NEK11: variants seen among roughly 807,000 people sequenced by gnomAD.
NEK11 encodes the protein serine/threonine-protein kinase Nek11.
NEK11 carries 72 observed loss-of-function variants against 80.7 expected under a neutral mutation model. That is an observed-to-expected ratio of 0.89 (90% CI 0.74 to 1.08). NEK11 has a LOEUF of 1.08. Among genes scored for constraint, NEK11 ranks in the 50% least tolerant of loss-of-function variants. The pLI is 0.00. For missense variants in NEK11, 764 were observed against 763.6 expected (o/e 1.00, Z -0.01); for synonymous variants, 251 against 260.7 (o/e 0.96, Z 0.36).
intron 17 of NEK11, among the ~76,000 whole-genome samples, chr3:131,294,442 G>C (rs1031090538): frequency 6.6e-6 from 1 of 150,750 alleles, no homozygotes; most frequent in Non-Finnish European, 1.5e-5. Context: ...TATGATTTCT[G>C]TTTTTAAAAA....
intron 4 of NEK11, 64 bp from the exon 5 acceptor site, chr3:131,109,739 T>C: frequency 6.7e-7 from 1 of 1,498,004 alleles, no homozygotes; most frequent in Non-Finnish European, 8.9e-7. Context: ...TTAACTGTTG[T>C]TAAGTGAACT....
At chr3:131,297,480 A>G (rs1406473332) in intron 17 of NEK11, among the ~76,000 whole-genome samples, 2 of 151,988 alleles carry the variant, frequency 1.3e-5, no homozygotes, top group Non-Finnish European at 2.9e-5. Context: ...GTGTCTGTTC[A>G]TGTCCTTCAC....
intron 4 of NEK11, among the ~76,000 whole-genome samples, chr3:131,102,980 A>G (rs1020378864): frequency 1.3e-5 from 2 of 152,172 alleles, no homozygotes; most frequent in Non-Finnish European, 2.9e-5. Context: ...TGATTATATT[A>G]TGAAATTCTT....
At chr3:131,296,133 A>G (rs6788815) in intron 17 of NEK11, among the ~76,000 whole-genome samples, 19,558 of 152,074 alleles carry the variant, frequency 0.13, 1,862 homozygotes, top group East Asian at 0.3. Context: ...GAGCCACCAC[A>G]CCTGGCCCAA....
intron 15 of NEK11, among the ~76,000 whole-genome samples, chr3:131,228,940 G>C (rs1298485805): frequency 6.6e-6 from 1 of 152,086 alleles, no homozygotes; most frequent in Non-Finnish European, 1.5e-5. Context: ...GGGGGGTTGG[G>C]AGATGGCACA....
intron 17 of NEK11, among the ~76,000 whole-genome samples, chr3:131,344,071 T>C (rs1388306636): frequency 7.9e-5 from 12 of 152,256 alleles, no homozygotes; most frequent in Admixed American, 6.5e-4. Context: ...TTTTCCAAAC[T>C]TTTATGCTAT....
At position 131,101,034 on chromosome 3, in the gene NEK11, C is replaced by T. The variant is rs533409708; in HGVS notation, c.337-8769C>T. 1.4e-4 allele frequency among the ~76,000 whole-genome samples: 21 copies of T among 152,054 alleles called. No individual in the cohort carries two copies. In the East Asian group the frequency reaches 3.9e-3, roughly 28 times the overall value. ...TTCTATTTTGTGTGTGTAAGTTGGT[C>T]GTAGTATTCTCTGAGGATCTTTTGT... On this transcript the variant is annotated intron_variant, in intron 4 of 17. Transcript: ENST00000383366.
At chr3:131,325,775 G>A (rs533736855) in intron 17 of NEK11, 2 of 152,316 alleles carry the variant, frequency 1.3e-5, no homozygotes, top group African/African-American at 4.8e-5. Flanking sequence ...ACACACTGGT[G>A]AAAGAACCAC....
chr3:131,156,547 A>G (rs1016220301), intron 10 of NEK11, among the ~76,000 whole-genome samples: 1 of 152,126 alleles, frequency 6.6e-6, no homozygotes, highest in Non-Finnish European at 1.5e-5. Flanking sequence ...CCCTTCCCTC[A>G]TGCTAAATTT....
intron 4 of NEK11, among the ~76,000 whole-genome samples, chr3:131,082,021 T>A (rs753877941): frequency 3.3e-5 from 5 of 152,210 alleles, no homozygotes; most frequent in Non-Finnish European, 7.3e-5. Flanking sequence ...GCCTCAGCCT[T>A]GCTGGGTATT....
chr3:131,269,537 G>T (rs1487052647), intron 16 of NEK11, among the ~76,000 whole-genome samples: 2 of 152,148 alleles, frequency 1.3e-5, no homozygotes, highest in East Asian at 1.9e-4. Context: ...CCCTGCTTCA[G>T]CTCACCCTCT....
chr3:131,135,658 A>C (rs1399396561), intron 7 of NEK11, among the ~76,000 whole-genome samples: 1 of 152,110 alleles, frequency 6.6e-6, no homozygotes, highest in Admixed American at 6.5e-5. Context: ...ATATCTCTTT[A>C]CATTTAATTT....
At chr3:131,114,436 A>G (rs1195988249) in intron 5 of NEK11, among the ~76,000 whole-genome samples, 5 of 152,236 alleles carry the variant, frequency 3.3e-5, no homozygotes, top group African/African-American at 9.6e-5. Flanking sequence ...CTCATGTTGC[A>G]TATTGACAGA....
intron 3 of NEK11, among the ~76,000 whole-genome samples, chr3:131,039,077 A>G (rs1468903022): frequency 6.6e-6 from 1 of 152,218 alleles, no homozygotes; most frequent in Non-Finnish European, 1.5e-5. Flanking sequence ...TGTTAAGCCT[A>G]TTAAGTTATT....
intron 17 of NEK11, among the ~76,000 whole-genome samples, chr3:131,308,775 T>C (rs1164151638): frequency 2.6e-5 from 4 of 152,164 alleles, no homozygotes; most frequent in African/African-American, 9.7e-5. Flanking sequence ...GTGCATCATC[T>C]AACGCAGCTG....
At chr3:131,332,340 G>C (rs12054047) in intron 17 of NEK11, among the ~76,000 whole-genome samples, 10,659 of 152,278 alleles carry the variant, frequency 0.07, 472 homozygotes, top group East Asian at 0.13. Context: ...CACCGCTGCT[G>C]TTACCCAGGC....
chr3:131,299,670 C>T (rs1191401974), intron 17 of NEK11, among the ~76,000 whole-genome samples: 1 of 152,084 alleles, frequency 6.6e-6, no homozygotes, highest in Non-Finnish European at 1.5e-5. Flanking sequence ...GGATAATGGC[C>T]TCCAGCTCCA....
intron 7 of NEK11, among the ~76,000 whole-genome samples, chr3:131,144,274 C>T (rs1318204921): frequency 6.6e-6 from 1 of 152,056 alleles, no homozygotes; most frequent in Admixed American, 6.6e-5. Flanking sequence ...CATACTCCCT[C>T]AGGGATTTAT....
At chr3:131,343,800 G>A (rs546845890) in intron 17 of NEK11, among the ~76,000 whole-genome samples, 38 of 152,304 alleles carry the variant, frequency 2.5e-4, no homozygotes, top group African/African-American at 6.0e-4. Context: ...GCAGTGTCCC[G>A]AGGCTGTGCA....
Sources: allele counts gnomAD v4.1 joint callset (sites outside exome capture counted in the v4.1 genomes callset), GRCh38; gene constraint gnomAD v4.1.1; transcripts MANE v1.5; gene names NCBI Gene and HGNC (gene_info 2026-07-23, HGNC 2026-07-21).